ENOX2: variants seen among roughly 807,000 people sequenced by gnomAD.
ENOX2 encodes the protein APK1 antigen.
Under a neutral mutation model 45.0 loss-of-function variants are expected in ENOX2, and 36 were observed. The observed-to-expected ratio is 0.80, with a 90% CI of 0.61 to 1.06. ENOX2 has a LOEUF of 1.06. Among genes scored for constraint, ENOX2 ranks in the 50% least tolerant of loss-of-function variants. ENOX2 has a pLI of 0.00. For synonymous variants in ENOX2, 174 were observed against 152.3 expected (o/e 1.14, Z -1.05); for missense variants, 423 against 462.5 (o/e 0.91, Z 0.78).
Position 130,875,794 on chromosome X carries a change from T to TA in ENOX2, c.-183+25889dup, listed in dbSNP as rs766856245. On this transcript the variant is annotated intron_variant, in intron 2 of 14. Coordinates refer to ENST00000394363, the MANE Select transcript of ENOX2 (RefSeq NM_006375.4). ...ACAGAAGCAACAAAAGAAAAAAAGATAACTGTGCTTTATCAAAATTAGAAA... is the reference window on the plus strand; with the variant it reads ...ACAGAAGCAACAAAAGAAAAAAAGATAAACTGTGCTTTATCAAAATTAGAAA... 2.6e-4 allele frequency among the ~76,000 whole-genome samples: 29 copies of TA among 112,035 alleles called. 1 individual carries two copies. The East Asian group carries it at 5.1e-3, about 20-fold the overall frequency.
intron 3 of ENOX2, chrX:130,709,396 T>C: frequency 1.3e-6 from 1 of 752,211 alleles, no homozygotes. Flanking sequence ...CCCAGCACTT[T>C]GGGAGGCGGA....
intron 3 of ENOX2, among the ~76,000 whole-genome samples, chrX:130,718,673 TC>T (rs1021363700): frequency 4.5e-5 from 5 of 112,145 alleles, no homozygotes; most frequent in African/African-American, 1.6e-4. Flanking sequence ...TTGGAGCTAA[TC>T]CACAGATTTA....
At chrX:130,886,606 G>A (rs771531832) in intron 2 of ENOX2, among the ~76,000 whole-genome samples, 74 of 111,845 alleles carry the variant, frequency 6.6e-4, no homozygotes, top group Non-Finnish European at 1.3e-3. Flanking sequence ...CAATACAGAT[G>A]GTTTGGGGCT....
chrX:130,816,813 A>T (rs1239935811), intron 2 of ENOX2, among the ~76,000 whole-genome samples: 1 of 112,053 alleles, frequency 8.9e-6, no homozygotes, highest in Non-Finnish European at 1.9e-5. Flanking sequence ...AGAAAGTGGG[A>T]AAGATGTAGA....
chrX:130,692,586 T>TG (rs1472323750), intron 4 of ENOX2, among the ~76,000 whole-genome samples: 6 of 105,904 alleles, frequency 5.7e-5, no homozygotes, highest in African/African-American at 2.1e-4. Context: ...CTCTGTTTTT[T>TG]TTTTTTTTTT....
chrX:130,631,692 T>C (rs376353871), intron 12 of ENOX2, 116 bp from the exon 13 acceptor site: 29 of 414,715 alleles, frequency 7.0e-5, no homozygotes, highest in East Asian at 4.3e-4. Context: ...CCATTCAATT[T>C]GGATTACTGA....
intron 2 of ENOX2, among the ~76,000 whole-genome samples, chrX:130,811,325 A>G (rs1459014481): frequency 8.9e-6 from 1 of 112,250 alleles, no homozygotes; most frequent in African/African-American, 3.2e-5. Context: ...CCAGCCTCCA[A>G]GGATACAGTT....
At chrX:130,851,166 G>T (rs2078200622) in intron 2 of ENOX2, among the ~76,000 whole-genome samples, 1 of 112,645 alleles carries the variant, frequency 8.9e-6, no homozygotes, top group Non-Finnish European at 1.9e-5. Context: ...AACCAGAATT[G>T]TATTTCCCCA....
chrX:130,728,297 G>A (rs2061029956), intron 3 of ENOX2, among the ~76,000 whole-genome samples: 1 of 111,668 alleles, frequency 9.0e-6, no homozygotes, highest in Non-Finnish European at 1.9e-5. Context: ...CCCTCAGGAT[G>A]TTTCATGGTG....
At chrX:130,712,272 G>A (rs1212966331) in intron 3 of ENOX2, among the ~76,000 whole-genome samples, 2 of 111,846 alleles carry the variant, frequency 1.8e-5, no homozygotes, top group Admixed American at 9.4e-5. Context: ...GCATGAGTGG[G>A]GCAGGAGAGG....
At chrX:130,648,029 A>T (rs1279122342) in intron 10 of ENOX2, among the ~76,000 whole-genome samples, 2 of 112,350 alleles carry the variant, frequency 1.8e-5, no homozygotes, top group South Asian at 3.7e-4. Context: ...AAATAAAAAT[A>T]AAAAAATGGA....
chrX:130,888,676 A>C (rs2078944323), intron 2 of ENOX2, among the ~76,000 whole-genome samples: 2 of 112,558 alleles, frequency 1.8e-5, no homozygotes, highest in Non-Finnish European at 1.9e-5. Flanking sequence ...CTATCACATA[A>C]GGCAAATAAA....
Position 130,670,189 on chromosome X carries a change from A to G in ENOX2, c.470T>C (p.Ile157Thr). The G allele has an allele frequency of 8.3e-7, 1 of 1,203,598 alleles. No individual in the cohort carries two copies. The highest frequency in any genetic ancestry group is 1.1e-6 in the Non-Finnish European group (1 of 888,589). The change falls in exon 7 of 15, where the codon ATT becomes ACT. Residue 157 changes from isoleucine to threonine, a missense_variant. This residue lies in a region of ENOX2 where 261 missense variants were observed against 306.8 expected (regional missense o/e 0.85). Transcript: ENST00000394363. The stretch of plus-strand genomic sequence containing the variant: ...CTTGTCAGTACTAGAGCCCAGGCGA[A>G]TGCGGTAACCTAAGTCCACAGGAGG... ...DKALYLSGYR[I>T]RLGSSTDKKD... is the part of the protein sequence containing the mutation.
chrX:130,820,366 T>C (rs1467915759), intron 2 of ENOX2, among the ~76,000 whole-genome samples: 1 of 112,053 alleles, frequency 8.9e-6, no homozygotes, highest in Non-Finnish European at 1.9e-5. Flanking sequence ...TTGGTGGTAA[T>C]ATAAATTAGT....
chrX:130,681,823 T>C (rs2037309698), intron 5 of ENOX2, among the ~76,000 whole-genome samples: 2 of 111,731 alleles, frequency 1.8e-5, no homozygotes, highest in Admixed American at 1.9e-4. Context: ...GTTTCTTAAT[T>C]CCCAATCTGG....
intron 2 of ENOX2, among the ~76,000 whole-genome samples, chrX:130,893,307 T>C (rs1414428125): frequency 8.9e-6 from 1 of 111,979 alleles, no homozygotes; most frequent in Admixed American, 9.5e-5. Flanking sequence ...ATAGTAGAGA[T>C]ATTGGAAACA....
At chrX:130,870,003 A>T (rs981606135) in intron 2 of ENOX2, among the ~76,000 whole-genome samples, 2 of 111,810 alleles carry the variant, frequency 1.8e-5, no homozygotes, top group Non-Finnish European at 3.8e-5. Flanking sequence ...GAGAGGAAGA[A>T]GGTGATGGTG....
intron 9 of ENOX2, among the ~76,000 whole-genome samples, chrX:130,658,263 G>A (rs958941420): frequency 9.0e-5 from 10 of 111,008 alleles, no homozygotes; most frequent in African/African-American, 2.9e-4. Flanking sequence ...AAAATAACCA[G>A]ACGAGCCTAA....
Position 130,625,389 on chromosome X carries a change from CT to C in ENOX2, c.1670del (p.Gln557ArgfsTer3). 1 of 1,210,288 alleles carries C rather than the reference CT, an allele frequency of 8.3e-7. No individual in the cohort carries two copies. Among genetic ancestry groups the C allele is most frequent in the Non-Finnish European group, 1.1e-6 (1 of 894,290 alleles). On this transcript the variant is annotated frameshift_variant, in exon 15 of 15. Transcript: ENST00000394363. LOFTEE classifies it high-confidence loss of function. Reference sequence around the variant, plus strand: ...GGCTGGCTCCAACTCCAGTCATTTCCTGCTTGAAGGTATGCTGGAGTCTACC... The same window carrying C: ...GGCTGGCTCCAACTCCAGTCATTTCCGCTTGAAGGTATGCTGGAGTCTACC... Reference protein sequence around the residue: ...LMGRLQHTFKQEMTGVGASLE... With the variant: ...LMGRLQHTFKXEMTGVGASLE...
Sources: allele counts gnomAD v4.1 joint callset (sites outside exome capture counted in the v4.1 genomes callset), GRCh38; gene constraint gnomAD v4.1.1; regional missense constraint gnomAD v4.1.1; transcripts MANE v1.5; gene names NCBI Gene and HGNC (gene_info 2026-07-23, HGNC 2026-07-21).